The following SORD variants were observed in gnomAD, a reference collection of about 807,000 sequenced individuals.
The protein encoded by SORD is (R,R)-butanediol dehydrogenase.
SORD carries 18 observed loss-of-function variants against 35.6 expected under a neutral mutation model. The observed-to-expected ratio is 0.51, with a 90% CI of 0.35 to 0.75. The LOEUF is 0.75. Ranked by LOEUF, SORD falls within the 30% of genes least tolerant of loss-of-function variation. The pLI is 0.01. For missense variants in SORD, 250 were observed against 390.2 expected (o/e 0.64, Z 3.03); for synonymous variants, 106 against 152.9 (o/e 0.69, Z 2.26).
chr15:45,056,121 T>G (rs1215692257), intron 3 of SORD, among the ~76,000 whole-genome samples: 1 of 149,130 alleles, frequency 6.7e-6, no homozygotes, highest in Non-Finnish European at 1.5e-5. Flanking sequence ...TTCAACATAG[T>G]GTTGGAAGTT....
chr15:45,040,722 G>T (rs1892953401), intron 2 of SORD, among the ~76,000 whole-genome samples: 1 of 152,222 alleles, frequency 6.6e-6, no homozygotes, highest in South Asian at 2.1e-4. Flanking sequence ...TTGATGTGAA[G>T]TATATGGACC....
rs1893588600 is a variant in SORD at position 45,077,166 on chromosome 15, A to G, written c.*3636A>G. ...GTTTTGCTCTAATAATAAAGTTGCA[A>G]TGACAACCCTTGTTGCATATTTTTG... On this transcript the variant is annotated 3_prime_UTR_variant, in exon 9 of 9. Coordinates refer to ENST00000267814, the MANE Select transcript of SORD (RefSeq NM_003104.6). 6.9e-6 allele frequency: 1 copy of G among 144,348 alleles called. No individual in the cohort carries two copies. Among genetic ancestry groups the G allele is most frequent in the African/African-American group, 2.9e-5 (1 of 34,108 alleles). 8.9% of individuals were successfully genotyped at this position (144,348 alleles called of 1,614,324 possible). A position where few individuals can be genotyped will look rare whatever the true frequency, so the allele number is the denominator to read the frequency against.
rs1004163694 is a variant in SORD at position 45,039,778 on chromosome 15, G to C, written c.67-630G>C. 1.2e-3 allele frequency among the ~76,000 whole-genome samples: 175 copies of C among 152,108 alleles called. 2 individuals are homozygous for C. Among genetic ancestry groups the C allele is most frequent in the Non-Finnish European group, 2.8e-4 (19 of 68,010 alleles). On this transcript the variant is annotated intron_variant, in intron 1 of 8. Transcript: ENST00000267814. Reference sequence around the variant, plus strand: ...GCAGCACAGACACTTTCTCCTACCTGTCTAGCGGGAAACATCCTCACGTGC... The same window carrying C: ...GCAGCACAGACACTTTCTCCTACCTCTCTAGCGGGAAACATCCTCACGTGC...
chr15:45,071,161 CA>C (rs1418322719), intron 7 of SORD, among the ~76,000 whole-genome samples: 1 of 152,190 alleles, frequency 6.6e-6, no homozygotes, highest in Non-Finnish European at 1.5e-5. Context: ...GCCATACCTA[CA>C]GGATAGTGTC....
At chr15:45,028,880 A>G (rs1413600818) in intron 1 of SORD, among the ~76,000 whole-genome samples, 1 of 152,256 alleles carries the variant, frequency 6.6e-6, no homozygotes, top group African/African-American at 2.4e-5. Flanking sequence ...TGGGGTGAGA[A>G]GCGGATGGTA....
chr15:45,065,811 T>G lies in SORD; in HGVS notation c.544+422T>G, dbSNP rs2141124626. ...AGTGTGTGTCTGTAGTTCCAGCTACTCAGAAGGCTGAGGTGGGAGGATCAC... is the reference window on the plus strand; with the variant it reads ...AGTGTGTGTCTGTAGTTCCAGCTACGCAGAAGGCTGAGGTGGGAGGATCAC... On this transcript the variant is annotated intron_variant, in intron 5 of 8. Coordinates refer to ENST00000267814, the MANE Select transcript of SORD (RefSeq NM_003104.6). Among the ~76,000 whole-genome samples, 2 of 152,054 alleles carry G rather than the reference T, an allele frequency of 1.3e-5. 1 individual carries two copies. Among genetic ancestry groups the G allele is most frequent in the South Asian group, 4.2e-4 (2 of 4,814 alleles).
chr15:45,038,343 C>T (rs1331215002), intron 1 of SORD, among the ~76,000 whole-genome samples: 42 of 152,082 alleles, frequency 2.8e-4, no homozygotes, highest in Admixed American at 2.8e-3. Flanking sequence ...GAAAAAGAGA[C>T]AATAGTAGGA....
At chr15:45,035,498 A>C (rs559522676) in intron 1 of SORD, among the ~76,000 whole-genome samples, 1 of 152,218 alleles carries the variant, frequency 6.6e-6, no homozygotes, top group Non-Finnish European at 1.5e-5. Flanking sequence ...TGTCTAGCTC[A>C]GGGATTGTAA....
At chr15:45,039,852 A>G (rs1313496722) in intron 1 of SORD, among the ~76,000 whole-genome samples, 2 of 152,362 alleles carry the variant, frequency 1.3e-5, no homozygotes, top group East Asian at 3.9e-4. Context: ...TTGTCAGACC[A>G]AACAAATCTG....
chr15:45,069,342 G>A (rs187023153), intron 7 of SORD, among the ~76,000 whole-genome samples: 264 of 151,664 alleles, frequency 1.7e-3, no homozygotes, highest in African/African-American at 6.3e-3. Flanking sequence ...GAGTAGCTGG[G>A]ACTACGGGCG....
chr15:45,037,962 TA>T (rs11307522), intron 1 of SORD, among the ~76,000 whole-genome samples: 7,586 of 135,664 alleles, frequency 0.056, 177 homozygotes, highest in South Asian at 0.14. Flanking sequence ...GAACTTAAAG[TA>T]AAAAAAAAAA....
At chr15:45,066,619 C>T (rs1893409640) in intron 5 of SORD, among the ~76,000 whole-genome samples, 1 of 152,190 alleles carries the variant, frequency 6.6e-6, no homozygotes, top group Non-Finnish European at 1.5e-5. Flanking sequence ...TGTTTCAAGC[C>T]ATCTGGAACA....
chr15:45,025,401 G>C (rs1244467737), intron 1 of SORD, among the ~76,000 whole-genome samples: 4 of 152,102 alleles, frequency 2.6e-5, no homozygotes, highest in African/African-American at 9.7e-5. Flanking sequence ...ACTTTGAAAG[G>C]CCAAGGTAGG....
intron 1 of SORD, among the ~76,000 whole-genome samples, chr15:45,025,037 G>A (rs997602666): frequency 6.6e-6 from 1 of 152,176 alleles, no homozygotes; most frequent in African/African-American, 2.4e-5. Context: ...CTATGGTTCC[G>A]TAGACAAAGC....
intron 3 of SORD, among the ~76,000 whole-genome samples, chr15:45,045,829 C>T (rs556027402): frequency 3.3e-5 from 5 of 152,130 alleles, no homozygotes; most frequent in Non-Finnish European, 7.4e-5. Flanking sequence ...CAGAGGGAGA[C>T]CCTGTCTCTA....
intron 4 of SORD, among the ~76,000 whole-genome samples, chr15:45,061,991 C>A (rs1453245132): frequency 2.0e-5 from 3 of 152,028 alleles, no homozygotes; most frequent in Non-Finnish European, 4.4e-5. Flanking sequence ...GGATCTACTC[C>A]CTCCTGGCAA....
intron 3 of SORD, among the ~76,000 whole-genome samples, chr15:45,045,547 A>T (rs1893034421): frequency 8.3e-4 from 1 of 1,206 alleles, no homozygotes; most frequent in African/African-American, 1.9e-3. Context: ...TCCATCTCAA[A>T]AAAAAAAAAA....
chr15:45,056,269 G>A (rs1195032010), intron 3 of SORD, among the ~76,000 whole-genome samples: 2 of 151,994 alleles, frequency 1.3e-5, no homozygotes, highest in African/African-American at 4.8e-5. Context: ...ATCTCCTTAA[G>A]CTGATAAGCA....
chr15:45,054,844 A>G (rs955928144), intron 3 of SORD, among the ~76,000 whole-genome samples: 13 of 150,952 alleles, frequency 8.6e-5, no homozygotes, highest in Non-Finnish European at 1.9e-4. Flanking sequence ...GAAGGGATCC[A>G]GTTTCAGCTT....
Sources: gnomAD v4.1 joint callset for allele counts (sites outside exome capture counted in the v4.1 genomes callset) on GRCh38, gnomAD v4.1.1 for gene constraint, MANE v1.5 for transcripts, NCBI Gene and HGNC (gene_info 2026-07-23, HGNC 2026-07-21) for gene names.